GSTA5: variants seen among roughly 807,000 people sequenced by gnomAD.
GSTA5 encodes the protein glutathione S-transferase alpha 5.
A neutral mutation model predicts 21.8 loss-of-function variants in GSTA5; 25 were observed. The observed-to-expected ratio is 1.14, with a 90% CI of 0.83 to 1.60. The LOEUF (loss-of-function observed/expected upper bound fraction) is 1.60. GSTA5 is among the 40% of genes most tolerant of loss of function. GSTA5 has a pLI of 0.00. For missense variants in GSTA5, 330 were observed against 259.2 expected, an observed-to-expected ratio of 1.27 and a Z score of -1.88; for synonymous variants, 102 against 89.5, an observed-to-expected ratio of 1.14 and a Z score of -0.78.
chr6:52,837,115 C>T (rs560199647), intron 2 of GSTA5, among the ~76,000 whole-genome samples: 1 of 152,288 alleles, frequency 6.6e-6, no homozygotes, highest in Admixed American at 6.5e-5. Context: ...TTCTGCTCTT[C>T]AAAGCCTGCA....
chr6:52,836,732 G>C (rs1195107063), intron 2 of GSTA5, among the ~76,000 whole-genome samples: 1 of 152,092 alleles, frequency 6.6e-6, no homozygotes, highest in Non-Finnish European at 1.5e-5. Context: ...AACTGGTCTC[G>C]AACTCCTGAC....
At chr6:52,837,283 T>C (rs1204210988) in intron 2 of GSTA5, among the ~76,000 whole-genome samples, 1 of 152,150 alleles carries the variant, frequency 6.6e-6, no homozygotes, top group Non-Finnish European at 1.5e-5. Flanking sequence ...CACAGCTCAC[T>C]GACGGTCCCC....
upstream of GSTA5, chr6:52,840,976 T>G: frequency 6.4e-6 from 4 of 625,386 alleles, no homozygotes; most frequent in Middle Eastern, 4.4e-4. Flanking sequence ...CCTGGAATGT[T>G]TTCTTGGCTC....
rs190142368 is a variant in GSTA5 at position 52,834,097 on chromosome 6, G to T, written c.414+44C>A. The T allele has an allele frequency of 2.2e-4, 361 of 1,610,968 alleles. 1 individual carries two copies. The African/African-American group carries it at 4.4e-3, about 20-fold the overall frequency. On this transcript the variant is annotated intron_variant, in intron 4 of 5. Transcript: ENST00000370989. ...ATGCCCAGCCACTATTTTTCTACTG[G>T]TGTCTAAACTCAGTTCCCCTAAACA... is the stretch of plus-strand genomic sequence containing the variant.
upstream of GSTA5, among the ~76,000 whole-genome samples, chr6:52,843,321 T>C (rs1176795069): frequency 1.3e-5 from 2 of 152,316 alleles, no homozygotes; most frequent in South Asian, 4.1e-4. Context: ...CTTGAGGAAT[T>C]GCCATACTGT....
rs1764294665 is a variant in GSTA5 at position 52,836,394 on chromosome 6, T to C, written c.140-26A>G. 2.5e-6 allele frequency: 4 copies of C among 1,609,816 alleles called. No homozygotes were observed. In the African/African-American group the frequency reaches 5.4e-5, roughly 22 times the overall value. On this transcript the variant is annotated intron_variant, in intron 2 of 5. Transcript: ENST00000370989. ...CTTAGAAAGAAGAAAAAAAAAGGAG[T>C]ATGAAGTGTCTATGAAACCCACCCT...
chr6:52,832,741 G>C lies in GSTA5; in HGVS notation c.546+118C>G, dbSNP rs1212143885. 2.0e-6 allele frequency: 3 copies of C among 1,514,348 alleles called. No homozygotes were observed. In the African/African-American group the frequency reaches 4.1e-5, roughly 21 times the overall value. 93.8% of individuals were successfully genotyped at this position (1,514,348 alleles called of 1,614,324 possible). On this transcript the variant is annotated intron_variant, in intron 5 of 5. Coordinates refer to ENST00000370989, the Ensembl canonical transcript of GSTA5. ...CCTGGAAGCTCATTTTGGAGACCTT[G>C]GGGGCACTGAAGGGCTGGAGAAGGG...
intron 4 of GSTA5, 56 bp from the exon 5 acceptor site, chr6:52,833,046 T>A (rs757604275): frequency 1.9e-6 from 3 of 1,603,720 alleles, no homozygotes; most frequent in Non-Finnish European, 2.6e-6. Context: ...CTGGGACCCC[T>A]GCTTCTTTCA....
chr6:52,832,995 A>T lies in GSTA5; in HGVS notation c.415-5T>A. ...TTGTCTGTGGCTCTTTAAGACCTGG[A>T]GAATTGGAGGAATCAGATCAGGAAC... On this transcript the variant is annotated splice_polypyrimidine_tract_variant and splice_region_variant and intron_variant, in intron 4 of 5. Transcript: ENST00000370989. 1 of 1,613,964 alleles carries T rather than the reference A, an allele frequency of 6.2e-7. No individual in the cohort carries two copies. The highest frequency in any genetic ancestry group is 8.5e-7 in the Non-Finnish European group (1 of 1,179,922).
At chr6:52,833,809 T>C (rs1184529256) in intron 4 of GSTA5, among the ~76,000 whole-genome samples, 1 of 152,210 alleles carries the variant, frequency 6.6e-6, no homozygotes, top group Non-Finnish European at 1.5e-5. Context: ...TCAAAGTCCA[T>C]GGGGTTCCAT....
intron 2 of GSTA5, among the ~76,000 whole-genome samples, chr6:52,836,843 T>G (rs574867930): frequency 1.3e-5 from 2 of 152,316 alleles, no homozygotes; most frequent in African/African-American, 4.8e-5. Flanking sequence ...TTCCTGTAGT[T>G]CTTCTTTTTC....
chr6:52,832,965 T>A (rs1479805448), exon 5 of GSTA5: 1 of 1,613,968 alleles, frequency 6.2e-7, no homozygotes. Context: ...GCCAACAAGG[T>A]AGTCTTGTCT....
At chr6:52,837,650 C>A (rs1032355597) in intron 1 of GSTA5, 41 bp from the exon 2 acceptor site, 4 of 1,396,044 alleles carry the variant, frequency 2.9e-6, no homozygotes, top group Admixed American at 3.4e-5. Flanking sequence ...TTAGTTAATT[C>A]TATTATAGAC....
intron 4 of GSTA5, among the ~76,000 whole-genome samples, chr6:52,833,937 A>G (rs1297303166): frequency 6.6e-6 from 1 of 152,212 alleles, no homozygotes; most frequent in African/African-American, 2.4e-5. Flanking sequence ...TTAAAATTTT[A>G]CTGGAAAATC....
rs1448259601 is a variant in GSTA5 at position 52,832,956 on chromosome 6, C to A, written c.449G>T (p.Gly150Val). Reference sequence around the variant, plus strand: ...AATGTCAGCCCAGCTCAGCTTGTTGCCAACAAGGTAGTCTTGTCTGTGGCT... The same window carrying A: ...AATGTCAGCCCAGCTCAGCTTGTTGACAACAAGGTAGTCTTGTCTGTGGCT... Residue 150 changes from glycine (G) to valine (V), a missense_variant, in exon 5 of 6, where the codon GGC becomes GTC. Coordinates refer to ENST00000370989, the Ensembl canonical transcript of GSTA5. 15 of 1,613,966 alleles carry A rather than the reference C, an allele frequency of 9.3e-6. No individual in the cohort carries two copies. Among genetic ancestry groups the A allele is most frequent in the African/African-American group, 1.3e-5 (1 of 74,904 alleles).
chr6:52,839,750 A>T (rs1239092553), intron 1 of GSTA5, among the ~76,000 whole-genome samples: 1 of 152,176 alleles, frequency 6.6e-6, no homozygotes, highest in African/African-American at 2.4e-5. Context: ...TTTCTCAGTG[A>T]CACCTCTAGA....
chr6:52,840,917 A>G, upstream of GSTA5: 1 of 1,004,114 alleles, frequency 1.0e-6, no homozygotes, highest in South Asian at 1.6e-5. Flanking sequence ...AAAACCACAA[A>G]CAATGCTGAA....
chr6:52,835,012 G>A (rs775750894), intron 3 of GSTA5, among the ~76,000 whole-genome samples: 16 of 152,236 alleles, frequency 1.1e-4, no homozygotes, highest in East Asian at 1.9e-4. Flanking sequence ...CTTTATTGAC[G>A]TATGTTCACG....
chr6:52,835,383 A>C (rs1764276789), intron 3 of GSTA5, among the ~76,000 whole-genome samples: 1 of 152,180 alleles, frequency 6.6e-6, no homozygotes, highest in Non-Finnish European at 1.5e-5. Flanking sequence ...TTTCCATTGC[A>C]TGGCTAAGGC....
Sources: gnomAD v4.1 joint callset for allele counts (sites outside exome capture counted in the v4.1 genomes callset) on GRCh38, gnomAD v4.1.1 for gene constraint, MANE v1.5 for transcripts, NCBI Gene and HGNC (gene_info 2026-07-23, HGNC 2026-07-21) for gene names.